SSBP2: variants seen among roughly 807,000 people sequenced by gnomAD.
The protein encoded by SSBP2 is single stranded DNA binding protein 2.
In SSBP2, 17 loss-of-function variants were observed where a neutral mutation model predicts 61.8. That is an observed-to-expected ratio of 0.28 (90% CI 0.19 to 0.41). The LOEUF is 0.41. Ranked by LOEUF, SSBP2 falls within the 10% of genes least tolerant of loss-of-function variation. The probability of loss-of-function intolerance (pLI) is 1.00; values close to 1 mark genes in which losing one functional copy is unlikely to be tolerated. For missense variants in SSBP2, 310 were observed against 458.7 expected (o/e 0.68, Z 2.96); for synonymous variants, 139 against 141.3 (o/e 0.98, Z 0.12).
At chr5:81,612,299 T>G (rs960313323) in intron 4 of SSBP2, among the ~76,000 whole-genome samples, 2 of 152,178 alleles carry the variant, frequency 1.3e-5, no homozygotes, top group African/African-American at 4.8e-5. Context: ...TGCCTGTGCA[T>G]GTAACATGGT....
chr5:81,489,620 A>G (rs370336268), intron 5 of SSBP2, among the ~76,000 whole-genome samples: 31 of 152,202 alleles, frequency 2.0e-4, no homozygotes, highest in African/African-American at 7.2e-4. Flanking sequence ...AAGGTAGAGA[A>G]GCAGGCAATT....
At chr5:81,629,833 C>G (rs1283270479) in intron 3 of SSBP2, among the ~76,000 whole-genome samples, 3 of 152,130 alleles carry the variant, frequency 2.0e-5, no homozygotes, top group Non-Finnish European at 4.4e-5. Flanking sequence ...CACATAGTAC[C>G]TTTTGTGTGT....
At chr5:81,475,603 TTC>T (rs967051530) in intron 6 of SSBP2, among the ~76,000 whole-genome samples, 12 of 152,246 alleles carry the variant, frequency 7.9e-5, no homozygotes, top group African/African-American at 2.9e-4. Context: ...CATATCAAAC[TTC>T]TTTCAGTTTT....
intron 4 of SSBP2, among the ~76,000 whole-genome samples, chr5:81,536,865 C>CA (rs1379473707): frequency 6.6e-6 from 1 of 151,854 alleles, no homozygotes; most frequent in Non-Finnish European, 1.5e-5. Flanking sequence ...ACTAAAAATA[C>CA]AAAAAATTAT....
chr5:81,465,718 T>C (rs1347411454), intron 9 of SSBP2, among the ~76,000 whole-genome samples: 2 of 152,080 alleles, frequency 1.3e-5, no homozygotes, highest in Non-Finnish European at 2.9e-5. Context: ...TCCATCCTAT[T>C]GGTAAGAGCT....
chr5:81,482,029 C>T (rs191105626), intron 6 of SSBP2, among the ~76,000 whole-genome samples: 4 of 152,124 alleles, frequency 2.6e-5, no homozygotes, highest in South Asian at 4.2e-4. Context: ...GCAACCTCTG[C>T]CTCCTGAGTT....
chr5:81,595,260 C>T (rs1334506215), intron 4 of SSBP2, among the ~76,000 whole-genome samples: 4 of 151,992 alleles, frequency 2.6e-5, no homozygotes, highest in African/African-American at 7.2e-5. Flanking sequence ...ATAAATTCCT[C>T]GACACATACA....
At chr5:81,531,424 T>A (rs1311511832) in intron 4 of SSBP2, among the ~76,000 whole-genome samples, 1 of 151,968 alleles carries the variant, frequency 6.6e-6, no homozygotes, top group African/African-American at 2.4e-5. Flanking sequence ...ATTATAGTCC[T>A]AAAGGAATTA....
At chr5:81,519,263 T>C (rs745769058) in intron 4 of SSBP2, among the ~76,000 whole-genome samples, 4 of 152,162 alleles carry the variant, frequency 2.6e-5, no homozygotes, top group Non-Finnish European at 4.4e-5. Context: ...ATTATTATCT[T>C]TTCATATTTT....
intron 6 of SSBP2, among the ~76,000 whole-genome samples, chr5:81,476,901 T>C (rs879345198): frequency 2.0e-5 from 3 of 152,222 alleles, no homozygotes; most frequent in Non-Finnish European, 4.4e-5. Context: ...GATTTCTATA[T>C]TGTTCAATGG....
intron 4 of SSBP2, among the ~76,000 whole-genome samples, chr5:81,585,553 G>GTGTA (rs1554092471): frequency 6.7e-6 from 1 of 149,728 alleles, no homozygotes; most frequent in Middle Eastern, 3.5e-3. Flanking sequence ...TTGTGTGTGT[G>GTGTA]TATATATATA....
intron 4 of SSBP2, among the ~76,000 whole-genome samples, chr5:81,591,376 T>G (rs1434380914): frequency 6.6e-6 from 1 of 152,202 alleles, no homozygotes. Context: ...TGTTAATCTT[T>G]CAACCAAAAA....
intron 4 of SSBP2, among the ~76,000 whole-genome samples, chr5:81,604,204 A>G (rs1047051102): frequency 6.6e-6 from 1 of 151,530 alleles, no homozygotes; most frequent in Non-Finnish European, 1.5e-5. Flanking sequence ...AAAGGTTTTC[A>G]TGCCTGCTGG....
intron 1 of SSBP2, among the ~76,000 whole-genome samples, chr5:81,680,848 GA>G (rs1752330801): frequency 6.6e-6 from 1 of 152,174 alleles, no homozygotes; most frequent in Non-Finnish European, 1.5e-5. Context: ...TCTTCTATGA[GA>G]AATGGACGGT....
rs1761235737 is a variant in SSBP2 at position 81,414,457 on chromosome 5, C to G, written c.*6047G>C. 1 of 152,134 alleles carries G rather than the reference C, an allele frequency of 6.6e-6. No individual in the cohort carries two copies. The highest frequency in any genetic ancestry group is 2.4e-5 in the African/African-American group (1 of 41,438). 9.4% of individuals were successfully genotyped at this position (152,134 alleles called of 1,614,324 possible). On this transcript the variant is annotated 3_prime_UTR_variant, in exon 17 of 17. Coordinates refer to ENST00000320672, the MANE Select transcript of SSBP2 (RefSeq NM_012446.5). ...TCACTTCATAGTTTAAAAAAGTAAA[C>G]AGGTCTCAGGTGTCTTTTTCATGGG...
At chr5:81,580,124 TGGGA>T (rs983496507) in intron 4 of SSBP2, among the ~76,000 whole-genome samples, 126 of 152,160 alleles carry the variant, frequency 8.3e-4, no homozygotes, top group African/African-American at 3.0e-3. Context: ...CTGTGAGGAA[TGGGA>T]GTGGTTGGTG....
At chr5:81,528,096 T>C (rs1194691628) in intron 4 of SSBP2, among the ~76,000 whole-genome samples, 1 of 152,008 alleles carries the variant, frequency 6.6e-6, no homozygotes, top group Admixed American at 6.6e-5. Context: ...ATATTGAGAT[T>C]TTGTTTTCAG....
chr5:81,480,653 GC>G lies in SSBP2; in HGVS notation c.433-6092del, dbSNP rs546735100. Among the ~76,000 whole-genome samples, 3 of 152,236 alleles carry G rather than the reference GC, an allele frequency of 2.0e-5. No homozygotes were observed. The South Asian group carries it at 6.2e-4, about 32-fold the overall frequency. ...ACTCCTGGGCTCAAGAAATCCACCC[GC>G]CTTGGCCTCCCAAAGTGTTGGGATT... On this transcript the variant is annotated intron_variant, in intron 6 of 16. Transcript: ENST00000320672.
chr5:81,443,854 G>A (rs949195484), intron 12 of SSBP2, among the ~76,000 whole-genome samples: 1 of 152,194 alleles, frequency 6.6e-6, no homozygotes, highest in Non-Finnish European at 1.5e-5. Flanking sequence ...GAGCCACCGC[G>A]CCCCGCCAGT....
Sources: gnomAD v4.1 joint callset for allele counts (sites outside exome capture counted in the v4.1 genomes callset) on GRCh38, gnomAD v4.1.1 for gene constraint, MANE v1.5 for transcripts, NCBI Gene and HGNC (gene_info 2026-07-23, HGNC 2026-07-21) for gene names.